The following MICU1 variants were observed in gnomAD, a reference collection of about 807,000 sequenced individuals.
MICU1 encodes calcium uptake protein 1, mitochondrial.
Under a neutral mutation model 56.8 loss-of-function variants are expected in MICU1, and 45 were observed. That is an observed-to-expected ratio of 0.79 (90% CI 0.62 to 1.02). The LOEUF (loss-of-function observed/expected upper bound fraction) is 1.02, where lower values mean the gene tolerates loss of function less well. MICU1 is among the 50% of genes least tolerant of loss of function. The pLI is 0.00. For missense variants in MICU1, 504 were observed against 587.1 expected (o/e 0.86, Z 1.46); for synonymous variants, 186 against 195.1 (o/e 0.95, Z 0.39).
intron 3 of MICU1, among the ~76,000 whole-genome samples, chr10:72,553,859 T>C (rs1840096537): frequency 6.6e-6 from 1 of 152,200 alleles, no homozygotes; most frequent in South Asian, 2.1e-4. Flanking sequence ...CCACTTAGCA[T>C]TGTACCTTAG....
intron 6 of MICU1, chr10:72,483,865 C>CA (rs1364867895): frequency 4.6e-5 from 7 of 151,838 alleles, no homozygotes; most frequent in Non-Finnish European, 7.4e-5. Context: ...AGAAAAACAA[C>CA]AAAAAACAAA....
At chr10:72,590,980 T>C (rs576522634) in intron 1 of MICU1, among the ~76,000 whole-genome samples, 25 of 152,026 alleles carry the variant, frequency 1.6e-4, no homozygotes, top group African/African-American at 5.5e-4. Flanking sequence ...CAGAATGAGC[T>C]AAAAGTTAGG....
At chr10:72,608,369 G>A (rs114205791) in intron 1 of MICU1, among the ~76,000 whole-genome samples, 2,600 of 152,248 alleles carry the variant, frequency 0.017, 76 homozygotes, top group African/African-American at 0.06. Context: ...ACCTCTCCTG[G>A]CCGAAATGCT....
intron 5 of MICU1, among the ~76,000 whole-genome samples, chr10:72,519,180 T>TA (rs1351973543): frequency 1.3e-5 from 2 of 152,210 alleles, no homozygotes; most frequent in East Asian, 3.8e-4. Flanking sequence ...TACCTCTTCT[T>TA]AGAGAAGAAA....
At chr10:72,420,625 A>G (rs1451863665) in intron 9 of MICU1, among the ~76,000 whole-genome samples, 1 of 151,382 alleles carries the variant, frequency 6.6e-6, no homozygotes, top group African/African-American at 2.4e-5. Context: ...TCTGGGTTCT[A>G]GCCTTAGCAC....
intron 4 of MICU1, among the ~76,000 whole-genome samples, chr10:72,543,065 G>A (rs933070258): frequency 3.3e-5 from 5 of 152,130 alleles, no homozygotes; most frequent in Admixed American, 6.5e-5. Flanking sequence ...GGCACAGGAC[G>A]GGGGTGGGCC....
At chr10:72,624,285 C>T (rs1383213551) in intron 1 of MICU1, among the ~76,000 whole-genome samples, 2 of 152,198 alleles carry the variant, frequency 1.3e-5, no homozygotes, top group Non-Finnish European at 2.9e-5. Flanking sequence ...GCCTCAACCT[C>T]GAGGGCTCAA....
chr10:72,585,034 G>A (rs2132514556), intron 1 of MICU1, among the ~76,000 whole-genome samples: 1 of 151,716 alleles, frequency 6.6e-6, no homozygotes. Context: ...AGCATTTGTG[G>A]AAAACCATTT....
intron 10 of MICU1, among the ~76,000 whole-genome samples, chr10:72,376,571 G>C (rs1862529641): frequency 2.0e-5 from 3 of 152,178 alleles, no homozygotes; most frequent in Admixed American, 6.5e-5. Context: ...AGGAGGCAGA[G>C]GTTTCAATGA....
At chr10:72,510,793 C>T (rs1867420824) in intron 5 of MICU1, among the ~76,000 whole-genome samples, 1 of 152,046 alleles carries the variant, frequency 6.6e-6, no homozygotes, top group Non-Finnish European at 1.5e-5. Flanking sequence ...CCACCACGCC[C>T]ATCTAATTTT....
chr10:72,404,301 G>A (rs1203766905), intron 10 of MICU1, among the ~76,000 whole-genome samples: 3 of 152,090 alleles, frequency 2.0e-5, no homozygotes, highest in African/African-American at 4.8e-5. Context: ...GTGTTTATAG[G>A]GAAATTTATA....
At chr10:72,392,178 T>C (rs1207531390) in intron 10 of MICU1, 1 of 152,192 alleles carries the variant, frequency 6.6e-6, no homozygotes, top group Admixed American at 6.5e-5. Context: ...CCCAAAGACT[T>C]TGTAACTCTG....
chr10:72,449,224 C>G (rs1196418079), intron 8 of MICU1, among the ~76,000 whole-genome samples: 2 of 152,020 alleles, frequency 1.3e-5, no homozygotes, highest in South Asian at 2.1e-4. Flanking sequence ...ATGGTGAAAC[C>G]CTGTCTCTAC....
At chr10:72,447,124 G>A (rs1186493565) in intron 8 of MICU1, among the ~76,000 whole-genome samples, 1 of 152,018 alleles carries the variant, frequency 6.6e-6, no homozygotes, top group Non-Finnish European at 1.5e-5. Flanking sequence ...ACCTCTTTTT[G>A]CCCGTAAAAA....
intron 1 of MICU1, among the ~76,000 whole-genome samples, chr10:72,569,000 C>G (rs1342375472): frequency 6.7e-6 from 1 of 150,042 alleles, no homozygotes; most frequent in South Asian, 2.1e-4. Context: ...GTGATCCATC[C>G]GCCTCGGCCT....
intron 2 of MICU1, among the ~76,000 whole-genome samples, chr10:72,565,132 A>G (rs1184071836): frequency 6.6e-6 from 1 of 151,824 alleles, no homozygotes; most frequent in East Asian, 1.9e-4. Context: ...AATACAAAAA[A>G]AAAAAAAAAA....
chr10:72,583,614 G>T (rs1840966156), intron 1 of MICU1, among the ~76,000 whole-genome samples: 1 of 152,008 alleles, frequency 6.6e-6, no homozygotes, highest in Non-Finnish European at 1.5e-5. Context: ...ACATTTTATT[G>T]CTAGATGATA....
At chr10:72,462,103 T>C (rs1393596768) in intron 8 of MICU1, among the ~76,000 whole-genome samples, 16 of 152,190 alleles carry the variant, frequency 1.1e-4, no homozygotes, top group Admixed American at 9.8e-4. Context: ...CTCATAGCAC[T>C]GAGAAGATCA....
intron 3 of MICU1, among the ~76,000 whole-genome samples, chr10:72,551,826 G>A (rs1411804497): frequency 6.6e-6 from 1 of 151,926 alleles, no homozygotes; most frequent in Non-Finnish European, 1.5e-5. Context: ...TGTAGTGAGA[G>A]GGTCTCACCA....
Sources: gnomAD v4.1 joint callset for allele counts (sites outside exome capture counted in the v4.1 genomes callset) on GRCh38, gnomAD v4.1.1 for gene constraint, MANE v1.5 for transcripts, NCBI Gene and HGNC (gene_info 2026-07-23, HGNC 2026-07-21) for gene names.